ARHGAP39: variants seen among roughly 807,000 people sequenced by gnomAD.
ARHGAP39 encodes rho GTPase-activating protein 39.
ARHGAP39 carries 44 observed loss-of-function variants against 106.9 expected under a neutral mutation model. The ratio of observed to expected loss-of-function variants is 0.41; its 90% CI spans 0.32 to 0.53. ARHGAP39 has a LOEUF of 0.53. Ranked by LOEUF, ARHGAP39 falls within the 20% of genes least tolerant of loss-of-function variation. The probability of loss-of-function intolerance (pLI) is 0.21; values close to 1 mark genes in which losing one functional copy is unlikely to be tolerated. For missense variants in ARHGAP39, 1,496 were observed against 1,577.3 expected (o/e 0.95, Z 0.87); for synonymous variants, 768 against 693.2 (o/e 1.11, Z -1.69).
In ARHGAP39 at chr8:144,604,205, T is replaced by A. The variant is rs909260024; in HGVS notation, c.80+1330A>T. Among the ~76,000 whole-genome samples the A allele has an allele frequency of 1.3e-5, 2 of 152,188 alleles. No homozygotes were observed. Among genetic ancestry groups the A allele is most frequent in the South Asian group, 4.1e-4 (2 of 4,826 alleles). ...CCAGAGGTGGCCGGGAGGCAGCAGC[T>A]GCACCTCGGGGGGTGCGGGCGAGGC... On this transcript the variant is annotated intron_variant, in intron 2 of 11. Coordinates refer to ENST00000377307, the MANE Select transcript of ARHGAP39 (RefSeq NM_025251.3). The surrounding 1 kb of genome is among the most constrained non-coding windows in gnomAD (Gnocchi z 4.1).
chr8:144,673,653 C>G (rs1563732901), intron 1 of ARHGAP39, among the ~76,000 whole-genome samples: 2 of 152,332 alleles, frequency 1.3e-5, no homozygotes, highest in Admixed American at 1.3e-4. Flanking sequence ...TGTCGCTTCA[C>G]CAGCCAGAAA....
chr8:144,654,689 T>C (rs560931824), intron 1 of ARHGAP39, among the ~76,000 whole-genome samples: 2 of 151,808 alleles, frequency 1.3e-5, no homozygotes, highest in East Asian at 3.9e-4. Context: ...CTCCCCCTCA[T>C]GCTGCTGTAG....
intron 1 of ARHGAP39, among the ~76,000 whole-genome samples, chr8:144,606,018 G>A (rs566379809): frequency 3.3e-5 from 5 of 152,330 alleles, no homozygotes; most frequent in East Asian, 1.9e-4. Flanking sequence ...CCGTGGGACC[G>A]TAGGACTGGA....
At chr8:144,630,860 T>G (rs2130978233) in intron 1 of ARHGAP39, among the ~76,000 whole-genome samples, 1 of 152,380 alleles carries the variant, frequency 6.6e-6, no homozygotes, top group Admixed American at 6.5e-5. Flanking sequence ...GTCTATAAAT[T>G]ACCCATCTGT....
At chr8:144,638,508 T>A (rs1220242103) in intron 1 of ARHGAP39, among the ~76,000 whole-genome samples, 1 of 152,242 alleles carries the variant, frequency 6.6e-6, no homozygotes, top group African/African-American at 2.4e-5. Flanking sequence ...TTGCATTCTA[T>A]CCTCTGTGTC....
intron 2 of ARHGAP39, among the ~76,000 whole-genome samples, chr8:144,583,717 G>T (rs1056400587): frequency 6.6e-6 from 1 of 152,226 alleles, no homozygotes; most frequent in African/African-American, 2.4e-5. Context: ...GTGCTGTTGT[G>T]GGGGTGGCAG....
At chr8:144,623,403 A>G (rs904993653) in intron 1 of ARHGAP39, among the ~76,000 whole-genome samples, 1 of 152,260 alleles carries the variant, frequency 6.6e-6, no homozygotes, top group African/African-American at 2.4e-5. Context: ...GATTTTAAAG[A>G]TCTTGGTAAA....
chr8:144,642,303 T>A (rs529770486), intron 1 of ARHGAP39, among the ~76,000 whole-genome samples: 47 of 152,202 alleles, frequency 3.1e-4, no homozygotes, highest in African/African-American at 1.1e-3. Context: ...CTGGCCAACA[T>A]GGTGAAACCC....
At chr8:144,576,624 C>T (rs568990063) in intron 3 of ARHGAP39, among the ~76,000 whole-genome samples, 19 of 152,234 alleles carry the variant, frequency 1.2e-4, no homozygotes, top group South Asian at 4.2e-4. Flanking sequence ...ATTGCAGAGA[C>T]GAGTCAAAAC....
At chr8:144,639,578 T>C (rs1375553971) in intron 1 of ARHGAP39, among the ~76,000 whole-genome samples, 3 of 152,052 alleles carry the variant, frequency 2.0e-5, no homozygotes, top group Non-Finnish European at 2.9e-5. Context: ...CCAATACGTA[T>C]TCCTGTCAAT....
chr8:144,582,240 C>A (rs896589544), intron 2 of ARHGAP39, among the ~76,000 whole-genome samples: 2 of 152,174 alleles, frequency 1.3e-5, no homozygotes, highest in Non-Finnish European at 2.9e-5. Flanking sequence ...ACAGAAAGAG[C>A]CCCCCTGGCG....
At chr8:144,569,397 C>T (rs931042826) in intron 3 of ARHGAP39, among the ~76,000 whole-genome samples, 2 of 152,164 alleles carry the variant, frequency 1.3e-5, no homozygotes, top group South Asian at 2.1e-4. Flanking sequence ...CTGCAAACAA[C>T]CCAAATGCCC....
At chr8:144,678,171 G>A (rs935144541) in intron 1 of ARHGAP39, among the ~76,000 whole-genome samples, 7 of 151,956 alleles carry the variant, frequency 4.6e-5, no homozygotes, top group East Asian at 1.9e-4. Context: ...TTCGGAGGCC[G>A]AGGTGGGAGG....
Position 144,605,537 on chromosome 8 carries a change from A to C in ARHGAP39, c.78T>G (p.Thr26=), listed in dbSNP as rs760231387. The C allele has an allele frequency of 6.2e-7, 1 of 1,613,646 alleles. No homozygotes were observed. Among genetic ancestry groups the C allele is most frequent in the Admixed American group, 1.7e-5 (1 of 60,014 alleles). The part of the protein sequence containing the change: ...LPESRIPGSN[T]RLEWVEIIEP... The stretch of plus-strand genomic sequence containing the variant: ...CCGCAGGTCGGTCGGCTCCTTACCG[A>C]GTGTTCGACCCTGGAATCCTCGACT... The change falls in exon 2 of 12, where the codon ACT becomes ACG. Residue 26 remains threonine (T), a splice_region_variant and synonymous_variant. Transcript: ENST00000377307.
intron 1 of ARHGAP39, among the ~76,000 whole-genome samples, chr8:144,665,422 A>C (rs902971714): frequency 1.3e-5 from 2 of 152,250 alleles, no homozygotes; most frequent in African/African-American, 4.8e-5. Flanking sequence ...CTGAATGTCA[A>C]TCCCCAAGAC....
chr8:144,673,369 TC>T, intron 1 of ARHGAP39, among the ~76,000 whole-genome samples: 1 of 152,310 alleles, frequency 6.6e-6, no homozygotes, highest in South Asian at 2.1e-4. Flanking sequence ...TCCTAGTCAC[TC>T]CTGTTTTTAA....
intron 1 of ARHGAP39, among the ~76,000 whole-genome samples, chr8:144,678,123 A>G (rs554259025): frequency 6.6e-6 from 1 of 152,242 alleles, no homozygotes; most frequent in African/African-American, 2.4e-5. Flanking sequence ...GAACACAAAC[A>G]GCCAAGTGCC....
chr8:144,560,881 G>A (rs1020392364), intron 3 of ARHGAP39, among the ~76,000 whole-genome samples: 6 of 152,138 alleles, frequency 3.9e-5, no homozygotes, highest in Non-Finnish European at 7.3e-5. Flanking sequence ...ATTTCATCAC[G>A]GCAGAATTAC....
intron 2 of ARHGAP39, among the ~76,000 whole-genome samples, chr8:144,603,989 C>A (rs775740851): frequency 6.6e-6 from 1 of 152,118 alleles, no homozygotes; most frequent in Non-Finnish European, 1.5e-5. Context: ...AAAAACCCAA[C>A]GGAGCTCACA....
Sources: gnomAD v4.1 joint callset for allele counts (sites outside exome capture counted in the v4.1 genomes callset) on GRCh38, gnomAD v4.1.1 for gene constraint, Gnocchi (gnomAD v3.1) non-coding constraint, MANE v1.5 for transcripts, NCBI Gene and HGNC (gene_info 2026-07-23, HGNC 2026-07-21) for gene names.